The following GPD2 variants were observed in gnomAD, a reference collection of about 807,000 sequenced individuals.
The protein encoded by GPD2 is glycerol-3-phosphate dehydrogenase, mitochondrial.
A neutral mutation model predicts 82.4 loss-of-function variants in GPD2; 54 were observed. The ratio of observed to expected loss-of-function variants is 0.66; its 90% confidence interval spans 0.53 to 0.82. The LOEUF is 0.82. GPD2 is among the 40% of genes least tolerant of loss of function. The pLI is 0.00. For synonymous variants in GPD2, 288 were observed against 306.1 expected, an observed-to-expected ratio of 0.94 and a Z score of 0.62; for missense variants, 748 against 896.2, an observed-to-expected ratio of 0.83 and a Z score of 2.11.
At chr2:156,426,462 C>T in the GPD2 span, among the ~76,000 whole-genome samples, 1 of 152,212 alleles carries the variant, frequency 6.6e-6, no homozygotes, top group South Asian at 2.1e-4. Flanking sequence ...CTGCATGATT[C>T]AATTACCTTC....
chr2:156,504,784 G>T (rs1451800295), intron 3 of GPD2, among the ~76,000 whole-genome samples: 1 of 151,804 alleles, frequency 6.6e-6, no homozygotes, highest in Non-Finnish European at 1.5e-5. Flanking sequence ...ATGGGTAAGT[G>T]TTTACAATAA....
chr2:156,483,459 C>G (rs961618581), intron 2 of GPD2, among the ~76,000 whole-genome samples: 3 of 152,164 alleles, frequency 2.0e-5, no homozygotes, highest in Admixed American at 6.5e-5. Flanking sequence ...TCTTTCCCTT[C>G]CCCTGAGGTA....
chr2:156,522,061 CAAAACTT>C (rs1013721875), intron 6 of GPD2, among the ~76,000 whole-genome samples: 8 of 151,844 alleles, frequency 5.3e-5, no homozygotes, highest in Non-Finnish European at 1.0e-4. Context: ...CCCTAAGAAA[CAAAACTT>C]ATAAATTGTG....
At chr2:156,431,825 A>G (rs1688319572), upstream of GPD2, among the ~76,000 whole-genome samples, 1 of 150,694 alleles carries the variant, frequency 6.6e-6, no homozygotes, top group Non-Finnish European at 1.5e-5. Flanking sequence ...TTTAGAAAAG[A>G]TTCATGGAAT....
At chr2:156,509,325 G>A (rs1684899230) in intron 3 of GPD2, among the ~76,000 whole-genome samples, 1 of 151,626 alleles carries the variant, frequency 6.6e-6, no homozygotes, top group Non-Finnish European at 1.5e-5. Flanking sequence ...ATTTGGGTAC[G>A]ATATTTAAAC....
At chr2:156,486,356 G>A (rs541254784) in intron 2 of GPD2, among the ~76,000 whole-genome samples, 2 of 152,294 alleles carry the variant, frequency 1.3e-5, no homozygotes, top group African/African-American at 4.8e-5. Context: ...TACTTCTATA[G>A]GTCACTCAGT....
the GPD2 span, among the ~76,000 whole-genome samples, chr2:156,419,217 G>A: frequency 2.6e-5 from 4 of 151,876 alleles, no homozygotes; most frequent in South Asian, 8.3e-4. Flanking sequence ...GTGCCACCAC[G>A]GCCGGCTAAT....
intron 6 of GPD2, among the ~76,000 whole-genome samples, chr2:156,542,710 T>G (rs1029272596): frequency 6.6e-6 from 1 of 152,198 alleles, no homozygotes; most frequent in Non-Finnish European, 1.5e-5. Flanking sequence ...TTAGCAGTGA[T>G]GTAAGTGGTC....
In GPD2 at chr2:156,535,397, G is replaced by C. The variant is rs1329519089; in HGVS notation, c.662-14211G>C. Among the ~76,000 whole-genome samples, 5 of 117,220 alleles carry C rather than the reference G, an allele frequency of 4.3e-5. No individual in the cohort carries two copies. In the Admixed American group the frequency reaches 4.6e-4, roughly 11 times the overall value. 76.9% of individuals were successfully genotyped at this position (117,220 alleles called of 152,430 possible). A position where few individuals can be genotyped will look rare whatever the true frequency, so the allele number is the denominator to read the frequency against. ...AGAAAGAGAAAAAGACCTGGGGGGGGGCGGGGAGAGAGAGAGACCTAGGAA... is the reference window on the plus strand; with the variant it reads ...AGAAAGAGAAAAAGACCTGGGGGGGCGCGGGGAGAGAGAGAGACCTAGGAA... On this transcript the variant is annotated intron_variant, in intron 6 of 16. Transcript: ENST00000438166.
chr2:156,451,753 C>T (rs1223162331), intron 1 of GPD2, among the ~76,000 whole-genome samples: 1 of 150,340 alleles, frequency 6.7e-6, no homozygotes, highest in Non-Finnish European at 1.5e-5. Flanking sequence ...GCTGACCCCC[C>T]CACCTCCCTC....
chr2:156,420,408 T>A, the GPD2 span, among the ~76,000 whole-genome samples: 1 of 152,144 alleles, frequency 6.6e-6, no homozygotes. Context: ...CCTGACCTCA[T>A]GATCAGCTCG....
Position 156,584,422 on chromosome 2 carries a change from C to A in GPD2, c.*1504C>A, listed in dbSNP as rs1464479419. Reference sequence around the variant, plus strand: ...TTTTTGCTGTTATTTTTATTTATGTCAATACTGCAGAGTATCTTTATGCCT... The same window carrying A: ...TTTTTGCTGTTATTTTTATTTATGTAAATACTGCAGAGTATCTTTATGCCT... On this transcript the variant is annotated 3_prime_UTR_variant, in exon 17 of 17. Coordinates refer to ENST00000438166, the MANE Select transcript of GPD2 (RefSeq NM_000408.5). The A allele has an allele frequency of 6.6e-6, 1 of 152,280 alleles. No homozygotes were observed. The highest frequency in any genetic ancestry group is 1.5e-5 in the Non-Finnish European group (1 of 67,934). The allele number at this position is 152,280 out of a possible 1,614,324, so 9.4% of individuals were successfully genotyped here. A position where few individuals can be genotyped will look rare whatever the true frequency, so the allele number is the denominator to read the frequency against.
the GPD2 span, among the ~76,000 whole-genome samples, chr2:156,424,660 GT>G: frequency 3.9e-5 from 6 of 152,182 alleles, no homozygotes; most frequent in African/African-American, 9.7e-5. Flanking sequence ...CAAACCTGCA[GT>G]TTTTTGTTCT....
At chr2:156,572,282 T>A (rs1687668798) in intron 13 of GPD2, among the ~76,000 whole-genome samples, 1 of 152,178 alleles carries the variant, frequency 6.6e-6, no homozygotes, top group Admixed American at 6.6e-5. Flanking sequence ...CATCAGCAAA[T>A]CATACCATAT....
chr2:156,489,965 G>T (rs926967656), intron 2 of GPD2, among the ~76,000 whole-genome samples: 2 of 142,302 alleles, frequency 1.4e-5, no homozygotes, highest in African/African-American at 2.6e-5. Flanking sequence ...TCTCCCTGAC[G>T]CAGGGTTTCG....
At chr2:156,431,810 T>TGAAAAA (rs1688319407), upstream of GPD2, among the ~76,000 whole-genome samples, 8 of 152,228 alleles carry the variant, frequency 5.3e-5, no homozygotes, top group Admixed American at 2.0e-4. Context: ...TTATATTTTA[T>TGAAAAA]TCTCTTTAGA....
chr2:156,557,595 T>C lies in GPD2; in HGVS notation c.1165+13T>C. Reference sequence around the variant, plus strand: ...TGTGATGTTGAAGGTAACTAAGCATTCCTTTAAGTTTGTCTCTCTGTGTCC... The same window carrying C: ...TGTGATGTTGAAGGTAACTAAGCATCCCTTTAAGTTTGTCTCTCTGTGTCC... On this transcript the variant is annotated intron_variant, in intron 9 of 16. Transcript: ENST00000438166. 6.9e-7 allele frequency: 1 copy of C among 1,459,002 alleles called. No homozygotes were observed. Among genetic ancestry groups the C allele is most frequent in the Admixed American group, 1.7e-5 (1 of 59,800 alleles). The allele number at this position is 1,459,002 out of a possible 1,614,324, so 90.4% of individuals were successfully genotyped here.
At chr2:156,475,938 G>C (rs1346241580) in intron 1 of GPD2, among the ~76,000 whole-genome samples, 160 bp from the exon 2 acceptor site, 1 of 152,012 alleles carries the variant, frequency 6.6e-6, no homozygotes, top group Non-Finnish European at 1.5e-5. Context: ...TATTTATTTT[G>C]AGTTGCAGTA....
At chr2:156,401,267 G>A in the GPD2 span, among the ~76,000 whole-genome samples, 1 of 152,054 alleles carries the variant, frequency 6.6e-6, no homozygotes, top group Non-Finnish European at 1.5e-5. Context: ...CTTACACCCT[G>A]GTAATTCTCT....
Sources: gnomAD v4.1 joint callset for allele counts (sites outside exome capture counted in the v4.1 genomes callset) on GRCh38, gnomAD v4.1.1 for gene constraint, MANE v1.5 for transcripts, NCBI Gene and HGNC (gene_info 2026-07-23, HGNC 2026-07-21) for gene names.